NXPH1: variants seen among roughly 807,000 people sequenced by gnomAD.
NXPH1 encodes neurexophilin-1.
NXPH1 carries 5 observed loss-of-function variants against 23.7 expected under a neutral mutation model. The ratio of observed to expected loss-of-function variants is 0.21; its 90% CI spans 0.11 to 0.44. The LOEUF (loss-of-function observed/expected upper bound fraction) is 0.44, where lower values mean the gene tolerates loss of function less well. NXPH1 is among the 20% of genes least tolerant of loss of function. The pLI is 0.99. For synonymous variants in NXPH1, 144 were observed against 122.2 expected (o/e 1.18, Z -1.18); for missense variants, 324 against 321.6 (o/e 1.01, Z -0.06).
chr7:8,509,652 G>C (rs1411528524), intron 2 of NXPH1, among the ~76,000 whole-genome samples: 2 of 152,064 alleles, frequency 1.3e-5, no homozygotes, highest in East Asian at 1.9e-4. Context: ...TGTTTCATCT[G>C]AGAGAGGAGA....
intron 2 of NXPH1, among the ~76,000 whole-genome samples, chr7:8,554,232 G>T (rs561797172): frequency 6.6e-6 from 1 of 151,618 alleles, no homozygotes; most frequent in African/African-American, 2.4e-5. Flanking sequence ...TAACCTTCAG[G>T]CATTTAGGAT....
chr7:8,711,042 T>C (rs1236647413), intron 2 of NXPH1, among the ~76,000 whole-genome samples: 3 of 152,232 alleles, frequency 2.0e-5, no homozygotes, highest in Admixed American at 2.0e-4. Context: ...GCTATAGCTC[T>C]ATCCTCAGCA....
rs762280995 is a variant in NXPH1, at chr7:8,751,507, A to G, written c.554A>G (p.Asp185Gly). The part of the protein sequence containing the change: ...EFDLAQQTVI[D>G]AKDSKSFNCR... ...GACTTGGCACAACAAACCGTGATTG[A>G]TGCCAAAGATTCCAAGTCTTTTAAT... The change falls in exon 3 of 3, where the codon GAT becomes GGT. Residue 185 changes from aspartate (D) to glycine (G), a missense_variant. Transcript: ENST00000405863. This position sits in a 1 kb window ranked among gnomAD's most constrained non-coding sequence, Gnocchi z 4.5. The G allele has an allele frequency of 6.2e-7, 1 of 1,613,726 alleles. No individual in the cohort carries two copies. The highest frequency in any genetic ancestry group is 8.5e-7 in the Non-Finnish European group (1 of 1,179,814).
intron 2 of NXPH1, among the ~76,000 whole-genome samples, chr7:8,748,442 A>C (rs988265067): frequency 1.3e-5 from 2 of 152,062 alleles, no homozygotes. Context: ...GCCCCATTTG[A>C]CTCCACAGCA....
intron 2 of NXPH1, among the ~76,000 whole-genome samples, chr7:8,749,996 C>A (rs1313100997): frequency 6.6e-6 from 1 of 152,172 alleles, no homozygotes. Flanking sequence ...CCTAGGAGAA[C>A]AGTGTCTGCA....
chr7:8,556,801 A>G (rs192209340), intron 2 of NXPH1, among the ~76,000 whole-genome samples: 273 of 145,138 alleles, frequency 1.9e-3, no homozygotes, highest in African/African-American at 6.3e-3. Context: ...ACTCTTTTCA[A>G]ACCAAAGATG....
chr7:8,620,784 C>T (rs1819851659), intron 2 of NXPH1, among the ~76,000 whole-genome samples: 3 of 152,200 alleles, frequency 2.0e-5, no homozygotes, highest in Admixed American at 6.5e-5. Context: ...TGTATTCTTT[C>T]ATAAATGGTT....
chr7:8,679,079 C>T (rs912023183), intron 2 of NXPH1, among the ~76,000 whole-genome samples: 6 of 151,256 alleles, frequency 4.0e-5, no homozygotes, highest in Non-Finnish European at 8.8e-5. Flanking sequence ...TCCCGAGTAG[C>T]TGGGACTATA....
intron 2 of NXPH1, among the ~76,000 whole-genome samples, chr7:8,549,558 C>T (rs1237647237): frequency 6.6e-6 from 1 of 151,384 alleles, no homozygotes; most frequent in East Asian, 2.0e-4. Context: ...TTTTCTTCCC[C>T]CTCTATGGAA....
chr7:8,704,535 G>T (rs192175732), intron 2 of NXPH1, among the ~76,000 whole-genome samples: 4 of 152,278 alleles, frequency 2.6e-5, no homozygotes, highest in Admixed American at 6.5e-5. Flanking sequence ...ATAGCTTCCT[G>T]AATTCACTGG....
intron 2 of NXPH1, among the ~76,000 whole-genome samples, chr7:8,486,064 T>G (rs556203863): frequency 6.6e-6 from 1 of 152,306 alleles, no homozygotes; most frequent in South Asian, 2.1e-4. Context: ...ATGATGGGAT[T>G]TGAGGTACCC....
intron 2 of NXPH1, among the ~76,000 whole-genome samples, chr7:8,561,759 T>C (rs921741071): frequency 2.0e-5 from 3 of 151,328 alleles, no homozygotes; most frequent in African/African-American, 7.3e-5. Flanking sequence ...AGAAAAAAAG[T>C]GTAGAGCACC....
At chr7:8,437,441 C>T (rs1816216468) in intron 2 of NXPH1, among the ~76,000 whole-genome samples, 1 of 152,124 alleles carries the variant, frequency 6.6e-6, no homozygotes, top group Non-Finnish European at 1.5e-5. Flanking sequence ...CCATCGTAAC[C>T]CGCTTGCCCT....
chr7:8,488,092 A>G (rs1201525528), intron 2 of NXPH1, among the ~76,000 whole-genome samples: 2 of 152,112 alleles, frequency 1.3e-5, no homozygotes, highest in Middle Eastern at 3.2e-3. Flanking sequence ...TGTCTTCCAT[A>G]GTTCTTGCTC....
intron 2 of NXPH1, among the ~76,000 whole-genome samples, chr7:8,637,107 G>T (rs1820228746): frequency 6.6e-6 from 1 of 152,124 alleles, no homozygotes; most frequent in Admixed American, 6.6e-5. Context: ...TAGACATGTG[G>T]TCAGCCTTTA....
chr7:8,571,945 C>G (rs1359442798), intron 2 of NXPH1, among the ~76,000 whole-genome samples: 2 of 151,288 alleles, frequency 1.3e-5, no homozygotes, highest in Non-Finnish European at 3.0e-5. Flanking sequence ...AATTCACTAT[C>G]TGCTGAGTTG....
chr7:8,644,830 T>A (rs1056691372), intron 2 of NXPH1, among the ~76,000 whole-genome samples: 2 of 152,204 alleles, frequency 1.3e-5, no homozygotes, highest in Non-Finnish European at 2.9e-5. Flanking sequence ...TCTTAAATTT[T>A]GTGCACATCA....
intron 2 of NXPH1, among the ~76,000 whole-genome samples, chr7:8,738,794 G>C (rs150170889): frequency 0.011 from 1,607 of 152,236 alleles, 27 homozygotes; most frequent in African/African-American, 0.037. Flanking sequence ...GACTGGGGCT[G>C]CTGCCTTTCT....
intron 2 of NXPH1, among the ~76,000 whole-genome samples, chr7:8,524,512 AT>A (rs1388507586): frequency 6.6e-6 from 1 of 152,068 alleles, no homozygotes; most frequent in Admixed American, 6.6e-5. Context: ...CATAGCATGG[AT>A]TGTTCCTCTC....
Sources: allele counts gnomAD v4.1 joint callset (sites outside exome capture counted in the v4.1 genomes callset), GRCh38; gene constraint gnomAD v4.1.1; non-coding constraint Gnocchi (gnomAD v3.1); transcripts MANE v1.5; gene names NCBI Gene and HGNC (gene_info 2026-07-23, HGNC 2026-07-21).